LUZP1: variants seen among roughly 807,000 people sequenced by gnomAD.
The protein encoded by LUZP1 is leucine zipper protein 1, also known as filamin mechanobinding actin cross-linking protein.
Under a neutral mutation model 71.3 loss-of-function variants are expected in LUZP1, and 25 were observed. The ratio of observed to expected loss-of-function variants is 0.35; its 90% CI spans 0.26 to 0.49. LUZP1 has a LOEUF of 0.49. Among genes scored for constraint, LUZP1 ranks in the 20% least tolerant of loss-of-function variants. The probability of loss-of-function intolerance (pLI) is 0.99; values close to 1 mark genes in which losing one functional copy is unlikely to be tolerated. For synonymous variants in LUZP1, 481 were observed against 506.4 expected (o/e 0.95, Z 0.67); for missense variants, 1,142 against 1,300.8 (o/e 0.88, Z 1.88).
intron 2 of LUZP1, among the ~76,000 whole-genome samples, chr1:23,125,268 G>A (rs1644162768): frequency 6.6e-6 from 1 of 152,158 alleles, no homozygotes; most frequent in Non-Finnish European, 1.5e-5. Context: ...TTCTTCAAAA[G>A]TATGCCCACT....
intron 2 of LUZP1, among the ~76,000 whole-genome samples, chr1:23,162,965 G>C (rs1156828589): frequency 6.6e-6 from 1 of 152,038 alleles, no homozygotes; most frequent in Non-Finnish European, 1.5e-5. Flanking sequence ...AATAAGGCTG[G>C]GTGCGGTGGC....
intron 2 of LUZP1, chr1:23,140,577 C>A (rs1228184358): frequency 1.3e-5 from 2 of 152,226 alleles, no homozygotes; most frequent in Non-Finnish European, 2.9e-5. Context: ...CGCTAAAAGT[C>A]CTTCCTGCCC....
intron 2 of LUZP1, among the ~76,000 whole-genome samples, chr1:23,116,157 G>A (rs1644076403): frequency 6.6e-6 from 1 of 152,176 alleles, no homozygotes; most frequent in African/African-American, 2.4e-5. Context: ...GAGATGGGAG[G>A]ATCACTTGAG....
exon 4 of LUZP1, chr1:23,091,873 T>C: frequency 1.2e-6 from 2 of 1,614,218 alleles, no homozygotes; most frequent in Non-Finnish European, 1.7e-6. Flanking sequence ...GGATATATAG[T>C]AATGCTACTT....
At chr1:23,165,389 G>A (rs1320853433) in intron 2 of LUZP1, among the ~76,000 whole-genome samples, 7 of 148,734 alleles carry the variant, frequency 4.7e-5, no homozygotes, top group Admixed American at 1.3e-4. Flanking sequence ...AATGCATTCC[G>A]GGCAGGGCAT....
exon 4 of LUZP1, chr1:23,091,818 C>G: frequency 6.2e-7 from 1 of 1,614,140 alleles, no homozygotes; most frequent in East Asian, 2.2e-5. Context: ...GTGCCTCTCC[C>G]TCAGGGCCTC....
chr1:23,092,358 A>G, exon 4 of LUZP1: 28 of 1,614,202 alleles, frequency 1.7e-5, no homozygotes, highest in Non-Finnish European at 2.4e-5. Flanking sequence ...GCTGTCTTCC[A>G]TCACAACTGC....
chr1:23,143,532 T>TC (rs1644321481), intron 2 of LUZP1, among the ~76,000 whole-genome samples: 2 of 152,164 alleles, frequency 1.3e-5, no homozygotes, highest in Non-Finnish European at 2.9e-5. Context: ...GTCTATAGTG[T>TC]TTTAGTTGCT....
At chr1:23,106,700 T>C (rs906324001) in intron 3 of LUZP1, among the ~76,000 whole-genome samples, 2 of 152,114 alleles carry the variant, frequency 1.3e-5, no homozygotes, top group Admixed American at 6.5e-5. Context: ...CTAGAAGCCA[T>C]TGCTTTCTGG....
chr1:23,157,622 C>T (rs1644430104), intron 2 of LUZP1, among the ~76,000 whole-genome samples: 2 of 152,108 alleles, frequency 1.3e-5, no homozygotes, highest in African/African-American at 4.8e-5. Flanking sequence ...GAAACCTCAT[C>T]TCTACTAAAA....
intron 2 of LUZP1, among the ~76,000 whole-genome samples, chr1:23,162,198 T>C (rs1478485195): frequency 6.6e-6 from 1 of 151,912 alleles, no homozygotes; most frequent in Non-Finnish European, 1.5e-5. Context: ...CAAAATAATC[T>C]ATGCTGTCAG....
At chr1:23,101,809 C>A (rs1643933519) in intron 3 of LUZP1, among the ~76,000 whole-genome samples, 1 of 152,196 alleles carries the variant, frequency 6.6e-6, no homozygotes, top group Non-Finnish European at 1.5e-5. Flanking sequence ...GCCTCCCTTA[C>A]TCTGTGTTAA....
At chr1:23,140,772 A>T (rs556167674) in intron 2 of LUZP1, 19 of 152,620 alleles carry the variant, frequency 1.2e-4, no homozygotes, top group African/African-American at 4.6e-4. Context: ...GGCCTACAGC[A>T]GTGTCTGCTG....
chr1:23,118,229 C>A (rs1209978595), intron 2 of LUZP1, among the ~76,000 whole-genome samples: 1 of 151,658 alleles, frequency 6.6e-6, no homozygotes, highest in Admixed American at 6.6e-5. Flanking sequence ...TGGTGCAACC[C>A]CATCTCTAAA....
intron 3 of LUZP1, among the ~76,000 whole-genome samples, chr1:23,107,990 T>C (rs557842177): frequency 5.3e-5 from 8 of 152,306 alleles, no homozygotes; most frequent in African/African-American, 1.7e-4. Context: ...CATTTCCCAC[T>C]CATTCTGAGC....
chr1:23,159,210 G>A (rs546043851), intron 2 of LUZP1, among the ~76,000 whole-genome samples: 36 of 150,982 alleles, frequency 2.4e-4, no homozygotes, highest in African/African-American at 8.0e-4. Context: ...GCGTGGTGGC[G>A]GGCACCTGTA....
Position 23,093,978 on chromosome 1 carries a change from T to C in LUZP1, c.284A>G (p.Lys95Arg), listed in dbSNP as rs1413547291. ...GGTGAGGTTTTCTTCCTCTTCAAGT[T>C]TCTCCTTCATCAGACGACACAGATC... Residue 95 changes from lysine (K) to arginine (R), a missense_variant, in exon 4 of 5, where the codon AAA (lysine) becomes AGA (arginine). Transcript: ENST00000302291. This position sits in a 1 kb window ranked among gnomAD's most constrained non-coding sequence, Gnocchi z 4.2. The C allele has an allele frequency of 6.2e-7, 1 of 1,614,186 alleles. No homozygotes were observed. Among genetic ancestry groups the C allele is most frequent in the South Asian group, 1.1e-5 (1 of 91,084 alleles).
intron 2 of LUZP1, among the ~76,000 whole-genome samples, chr1:23,123,031 C>A (rs1483874175): frequency 6.6e-6 from 1 of 152,208 alleles, no homozygotes; most frequent in South Asian, 2.1e-4. Flanking sequence ...CAGCTAAATG[C>A]TTTTCATTCA....
At chr1:23,133,521 G>A (rs919999118) in intron 2 of LUZP1, 2 of 152,206 alleles carry the variant, frequency 1.3e-5, no homozygotes, top group African/African-American at 4.8e-5. Flanking sequence ...CCAGCACTCT[G>A]GAAGGCCGAG....
Sources: gnomAD v4.1 joint callset for allele counts (sites outside exome capture counted in the v4.1 genomes callset) on GRCh38, gnomAD v4.1.1 for gene constraint, Gnocchi (gnomAD v3.1) non-coding constraint, MANE v1.5 for transcripts, NCBI Gene and HGNC (gene_info 2026-07-23, HGNC 2026-07-21) for gene names.